The following FRAS1 variants were observed in gnomAD, a reference collection of about 807,000 sequenced individuals.
FRAS1 encodes the protein extracellular matrix organizing protein FRAS1.
In FRAS1, 290 loss-of-function variants were observed where a neutral mutation model predicts 435.2. That is an observed-to-expected ratio of 0.67 (90% CI 0.61 to 0.73). The LOEUF (loss-of-function observed/expected upper bound fraction) is 0.73. FRAS1 is among the 30% of genes least tolerant of loss of function. The pLI, the probability that FRAS1 is intolerant of heterozygous loss-of-function variation, is 0.00. For synonymous variants in FRAS1, 1,800 were observed against 1,851.0 expected, an observed-to-expected ratio of 0.97 and a Z score of 0.71; for missense variants, 4,860 against 5,001.5, an observed-to-expected ratio of 0.97 and a Z score of 0.85.
chr4:78,066,996 G>A (rs1231421785), intron 2 of FRAS1, among the ~76,000 whole-genome samples: 1 of 151,436 alleles, frequency 6.6e-6, no homozygotes, highest in Admixed American at 6.6e-5. Context: ...TATTGTATTT[G>A]TCATTCCATA....
intron 15 of FRAS1, among the ~76,000 whole-genome samples, chr4:78,308,460 G>A (rs559938458): frequency 6.6e-6 from 1 of 152,188 alleles, no homozygotes; most frequent in African/African-American, 2.4e-5. Context: ...AGATAGTGAG[G>A]CCCAGGTGGC....
chr4:78,448,157 G>C lies in FRAS1; in HGVS notation c.6115G>C (p.Gly2039Arg). 6.2e-7 allele frequency: 1 copy of C among 1,613,748 alleles called. No homozygotes were observed. ...CCAGGATATCCTAGCTGGGCTGGTT[G>C]GGTATGTGCCTAGTGTCCCTGGCAT... is the stretch of plus-strand genomic sequence containing the variant. ...TYQDILAGLVGYVPSVPGMVV... is the reference protein window; with the variant it reads ...TYQDILAGLVRYVPSVPGMVV... Residue 2039 changes from glycine (G) to arginine (R), a missense_variant, in exon 44 of 74, where the codon GGG becomes CGG. Gly to Arg is a moderately radical substitution (Grantham distance 125, BLOSUM62 -2). Transcript: ENST00000512123.
intron 71 of FRAS1, among the ~76,000 whole-genome samples, chr4:78,535,278 A>G (rs1721846344): frequency 6.6e-6 from 1 of 152,094 alleles, no homozygotes; most frequent in Non-Finnish European, 1.5e-5. Context: ...GCCTCTGGTC[A>G]TCCCCATGGC....
At chr4:78,388,051 T>C (rs374273999) in intron 29 of FRAS1, among the ~76,000 whole-genome samples, 2 of 152,094 alleles carry the variant, frequency 1.3e-5, no homozygotes, top group African/African-American at 4.8e-5. Flanking sequence ...TGAGGCCAGG[T>C]GTGGTGGCTC....
chr4:78,539,433 T>C lies in FRAS1; in HGVS notation c.11438T>C (p.Leu3813Pro). ...VDGFTLKVDA[L>P]YKVEAGHQWY... is the part of the protein sequence containing the mutation. ...GGATTTACTCTAAAAGTAGATGCAC[T>C]CTATAAGGTGAGTTTGGTGAGAAGA... Residue 3813 changes from leucine to proline, a missense_variant, in exon 73 of 74, where the codon CTC (leucine) becomes CCC (proline). Coordinates refer to ENST00000512123, the MANE Select transcript of FRAS1 (RefSeq NM_025074.7). The C allele has an allele frequency of 6.2e-7, 1 of 1,606,802 alleles. No homozygotes were observed. The highest frequency in any genetic ancestry group is 2.2e-5 in the East Asian group (1 of 44,536).
intron 40 of FRAS1, among the ~76,000 whole-genome samples, chr4:78,440,812 T>C (rs1288764473): frequency 6.6e-6 from 1 of 152,152 alleles, no homozygotes; most frequent in African/African-American, 2.4e-5. Flanking sequence ...GCTGTGGGCT[T>C]TTGAATGTTG....
At chr4:78,340,235 G>A (rs776576935) in intron 20 of FRAS1, among the ~76,000 whole-genome samples, 7 of 152,114 alleles carry the variant, frequency 4.6e-5, no homozygotes, top group Non-Finnish European at 1.0e-4. Flanking sequence ...AAAATAAGCT[G>A]AAAAGGAAAA....
chr4:78,501,371 G>A (rs1011140411), intron 61 of FRAS1, among the ~76,000 whole-genome samples: 5 of 152,108 alleles, frequency 3.3e-5, no homozygotes, highest in Non-Finnish European at 7.3e-5. Context: ...TATTATTGAC[G>A]GCCATTTGGG....
chr4:78,257,361 T>G (rs1725843106), intron 6 of FRAS1, among the ~76,000 whole-genome samples: 2 of 152,172 alleles, frequency 1.3e-5, no homozygotes, highest in South Asian at 4.1e-4. Flanking sequence ...CTTTTGCACC[T>G]GCCTAATAAT....
chr4:78,109,303 G>A (rs1427755969), intron 2 of FRAS1, among the ~76,000 whole-genome samples: 1 of 78,200 alleles, frequency 1.3e-5, no homozygotes, highest in African/African-American at 5.6e-5. Context: ...CCAAAAAAGA[G>A]AATTTTAGAC....
At chr4:78,293,782 G>A (rs1352292555) in intron 14 of FRAS1, among the ~76,000 whole-genome samples, 2 of 152,154 alleles carry the variant, frequency 1.3e-5, no homozygotes, top group Middle Eastern at 3.2e-3. Flanking sequence ...GAGAGAAGAG[G>A]GGAAAACAGC....
Position 78,096,730 on chromosome 4 carries a change from C to G in FRAS1, c.108+30714C>G, listed in dbSNP as rs147959286. ...AGAGGCAGGGCACCAAATCCCTACA[C>G]TCCACACAGCAAGTGGACCCTGGGC... On this transcript the variant is annotated intron_variant, in intron 2 of 73. Coordinates refer to ENST00000512123, the MANE Select transcript of FRAS1 (RefSeq NM_025074.7). Among the ~76,000 whole-genome samples the G allele has an allele frequency of 3.7e-4, 56 of 152,360 alleles. No individual in the cohort carries two copies. In the East Asian group the frequency reaches 0.01, roughly 28 times the overall value.
intron 2 of FRAS1, among the ~76,000 whole-genome samples, chr4:78,119,234 A>G (rs1325037605): frequency 6.6e-6 from 1 of 152,106 alleles, no homozygotes; most frequent in Non-Finnish European, 1.5e-5. Flanking sequence ...ATTATATATT[A>G]TTGCTAACTG....
intron 20 of FRAS1, among the ~76,000 whole-genome samples, chr4:78,355,366 C>T (rs1730809426): frequency 6.6e-6 from 1 of 152,156 alleles, no homozygotes; most frequent in Non-Finnish European, 1.5e-5. Context: ...TCCTGGGCCT[C>T]TCTTCTTTCC....
intron 61 of FRAS1, among the ~76,000 whole-genome samples, chr4:78,503,426 C>T (rs939482924): frequency 1.3e-5 from 2 of 152,152 alleles, no homozygotes; most frequent in African/African-American, 4.8e-5. Context: ...TCAACTTCTT[C>T]CTGGTTTAGT....
intron 2 of FRAS1, among the ~76,000 whole-genome samples, chr4:78,210,988 C>A (rs966286919): frequency 2.6e-5 from 4 of 152,154 alleles, no homozygotes; most frequent in Non-Finnish European, 5.9e-5. Context: ...CCTCCTGGTG[C>A]GCGTATGGTG....
chr4:78,399,360 C>G (rs1210177220), intron 29 of FRAS1, among the ~76,000 whole-genome samples: 2 of 152,088 alleles, frequency 1.3e-5, no homozygotes. Flanking sequence ...TGCTCTGTTC[C>G]ATTTATTGGC....
chr4:78,501,500 T>C (rs1251044173), intron 61 of FRAS1, among the ~76,000 whole-genome samples: 3 of 152,196 alleles, frequency 2.0e-5, no homozygotes, highest in Admixed American at 2.0e-4. Context: ...GATTGCTGGG[T>C]CAAATGGTAT....
intron 47 of FRAS1, among the ~76,000 whole-genome samples, chr4:78,459,382 A>G (rs1409722593): frequency 6.6e-6 from 1 of 152,246 alleles, no homozygotes; most frequent in Non-Finnish European, 1.5e-5. Context: ...CCAGGTACAC[A>G]TAATTTGGTA....
Sources: gnomAD v4.1 joint callset for allele counts (sites outside exome capture counted in the v4.1 genomes callset) on GRCh38, gnomAD v4.1.1 for gene constraint, MANE v1.5 for transcripts, NCBI Gene and HGNC (gene_info 2026-07-23, HGNC 2026-07-21) for gene names.